The following RCN2 variants were observed in gnomAD, a reference collection of about 807,000 sequenced individuals.
RCN2 encodes the protein reticulocalbin 2.
RCN2 carries 23 observed loss-of-function variants against 37.5 expected under a neutral mutation model. That is an observed-to-expected ratio of 0.61 (90% CI 0.44 to 0.87). The LOEUF (loss-of-function observed/expected upper bound fraction) is 0.87. RCN2 is among the 40% of genes least tolerant of loss of function. The pLI is 0.00. For synonymous variants in RCN2, 140 were observed against 144.6 expected (o/e 0.97, Z 0.23); for missense variants, 381 against 390.4 (o/e 0.98, Z 0.20).
At chr15:76,936,996 G>A (rs2075253095) in intron 3 of RCN2, among the ~76,000 whole-genome samples, 2 of 152,044 alleles carry the variant, frequency 1.3e-5, no homozygotes, top group Non-Finnish European at 2.9e-5. Context: ...CTCTGAATTT[G>A]GCTACTCTAG....
intron 3 of RCN2, chr15:76,938,838 G>A: frequency 2.3e-6 from 1 of 443,516 alleles, no homozygotes; most frequent in Non-Finnish European, 4.6e-6. Context: ...ACTTTCATGT[G>A]CCTCAGTTTC....
At chr15:76,946,093 T>G (rs2075295539) in intron 4 of RCN2, among the ~76,000 whole-genome samples, 1 of 152,202 alleles carries the variant, frequency 6.6e-6, no homozygotes, top group Non-Finnish European at 1.5e-5. Context: ...TGAAATAGAT[T>G]TGAGCAACAT....
chr15:76,936,638 C>T lies in RCN2; in HGVS notation c.447+916C>T, dbSNP rs891902748. On this transcript the variant is annotated intron_variant, in intron 3 of 6. Transcript: ENST00000394885. ...CAGGCCATGAACCAATACCCGTCCG[C>T]GACCTAGGGATTGAGGGTCCGTGAT... is the stretch of plus-strand genomic sequence containing the variant. Among the ~76,000 whole-genome samples, 26 of 152,064 alleles carry T rather than the reference C, an allele frequency of 1.7e-4. 1 individual carries two copies. Among genetic ancestry groups the T allele is most frequent in the African/African-American group, 6.3e-4 (26 of 41,390 alleles).
At chr15:76,948,587 C>G (rs574295114) in intron 6 of RCN2, 35 bp downstream of exon 6, 1 of 1,476,326 alleles carries the variant, frequency 6.8e-7, no homozygotes, top group East Asian at 2.4e-5. Context: ...CTCTCCACCC[C>G]CTCCCCCCGA....
In RCN2 at chr15:76,952,550, A is replaced by G. The variant is rs1197282346; in HGVS notation, c.*3328A>G. The G allele has an allele frequency of 3.3e-5, 5 of 152,218 alleles. No individual in the cohort carries two copies. Among genetic ancestry groups the G allele is most frequent in the Admixed American group, 3.3e-4 (5 of 15,284 alleles). The allele number at this position is 152,218 out of a possible 1,614,324, so 9.4% of individuals were successfully genotyped here. A position where few individuals can be genotyped will look rare whatever the true frequency, so the allele number is the denominator to read the frequency against. Reference sequence around the variant, plus strand: ...TTCCATCTCCATGAACTTCATTTGTAAAACGGAAATTTATACCCATTAAAC... The same window carrying G: ...TTCCATCTCCATGAACTTCATTTGTGAAACGGAAATTTATACCCATTAAAC... On this transcript the variant is annotated 3_prime_UTR_variant, in exon 7 of 7. Transcript: ENST00000394885.
In RCN2 at chr15:76,932,401, A is replaced by G; in HGVS notation, c.185A>G (p.Gln62Arg). The G allele has an allele frequency of 1.2e-6, 2 of 1,614,066 alleles. No individual in the cohort carries two copies. Among genetic ancestry groups the G allele is most frequent in the Non-Finnish European group, 1.7e-6 (2 of 1,179,918 alleles). Residue 62 changes from glutamine to arginine, a missense_variant, in exon 2 of 7, where the codon CAG becomes CGG. Coordinates refer to ENST00000394885, the MANE Select transcript of RCN2 (RefSeq NM_002902.3). Reference sequence around the variant, plus strand: ...TATGTTAAACTCGGCCACGAAGAGCAGCAAAAAAGACTGCAGGCGATCATA... The same window carrying G: ...TATGTTAAACTCGGCCACGAAGAGCGGCAAAAAAGACTGCAGGCGATCATA... ...DEYVKLGHEE[Q>R]QKRLQAIIKK...
chr15:76,943,952 A>T, intron 4 of RCN2, 81 bp downstream of exon 4: 3 of 556,822 alleles, frequency 5.4e-6, no homozygotes, highest in Non-Finnish European at 9.8e-6. Context: ...GTGGGTACAT[A>T]GTAGGTATAT....
chr15:76,950,289 G>C lies in RCN2; in HGVS notation c.*1067G>C, dbSNP rs1198714325. ...TAATCAATTTTAACCTAATTCAGCA[G>C]GTCAACTTATTTAACTTTGGTGGAG... On this transcript the variant is annotated 3_prime_UTR_variant, in exon 7 of 7. Transcript: ENST00000394885. 1 of 137,910 alleles carries C rather than the reference G, an allele frequency of 7.3e-6. No homozygotes were observed. Among genetic ancestry groups the C allele is most frequent in the Non-Finnish European group, 1.6e-5 (1 of 61,692 alleles). 8.5% of individuals were successfully genotyped at this position (137,910 alleles called of 1,614,324 possible). A position where few individuals can be genotyped will look rare whatever the true frequency, so the allele number is the denominator to read the frequency against.
At chr15:76,947,282 T>G (rs1313237835) in intron 4 of RCN2, 139 bp from the exon 5 acceptor site, 1 of 585,832 alleles carries the variant, frequency 1.7e-6, no homozygotes, top group African/African-American at 1.9e-5. Flanking sequence ...TATAAGTACC[T>G]TACTAGCTGA....
intron 3 of RCN2, among the ~76,000 whole-genome samples, chr15:76,941,017 C>T (rs2075274716): frequency 6.6e-6 from 1 of 151,830 alleles, no homozygotes; most frequent in South Asian, 2.1e-4. Flanking sequence ...GGCAAAAGTT[C>T]AAGTGTTCTT....
intron 4 of RCN2, among the ~76,000 whole-genome samples, chr15:76,946,280 C>T (rs2075296318): frequency 6.6e-6 from 1 of 151,736 alleles, no homozygotes; most frequent in Non-Finnish European, 1.5e-5. Context: ...ACATAGCAGA[C>T]CTTGTCTCTA....
rs144555629 is a variant in RCN2 at position 76,937,877 on chromosome 15, C to A, written c.447+2155C>A. ...GAAGTCTATTAAACTAAAAGTATAT[C>A]AACAGAAATGACTGTGAGCTTGAGA... On this transcript the variant is annotated intron_variant, in intron 3 of 6. Coordinates refer to ENST00000394885, the MANE Select transcript of RCN2 (RefSeq NM_002902.3). 5.8e-4 allele frequency among the ~76,000 whole-genome samples: 89 copies of A among 152,198 alleles called. 1 individual carries two copies. The East Asian group carries it at 0.014, about 23-fold the overall frequency.
chr15:76,945,580 C>G (rs1004663667), intron 4 of RCN2, among the ~76,000 whole-genome samples: 10 of 152,294 alleles, frequency 6.6e-5, no homozygotes, highest in African/African-American at 2.4e-4. Context: ...AACCATCACA[C>G]TGGGAAATAA....
intron 2 of RCN2, among the ~76,000 whole-genome samples, chr15:76,934,869 T>G (rs1000871514): frequency 6.6e-6 from 1 of 152,226 alleles, no homozygotes; most frequent in African/African-American, 2.4e-5. Flanking sequence ...AGATTTTGGA[T>G]AACATTTTTT....
chr15:76,931,863 G>C lies in RCN2; in HGVS notation c.22G>C (p.Ala8Pro). 1 of 1,281,918 alleles carries C rather than the reference G, an allele frequency of 7.8e-7. No homozygotes were observed. Among genetic ancestry groups the C allele is most frequent in the Non-Finnish European group, 9.8e-7 (1 of 1,016,708 alleles). The allele number at this position is 1,281,918 out of a possible 1,614,324, so 79.4% of individuals were successfully genotyped here. The change falls in exon 1 of 7, where the codon GCG (alanine) becomes CCG (proline). Residue 8 changes from alanine to proline, a missense_variant. By Grantham distance (27) the Ala-to-Pro change is conservative. Transcript: ENST00000394885. MRLGPRT[A>P]ALGLLLLCAA... ...CGCGATGCGGCTGGGCCCGAGGACC[G>C]CGGCGTTGGGGCTGCTGCTGCTGTG...
At chr15:76,935,338 T>A (rs981623716) in intron 2 of RCN2, among the ~76,000 whole-genome samples, 188 bp from the exon 3 acceptor site, 5 of 152,036 alleles carry the variant, frequency 3.3e-5, no homozygotes, top group Admixed American at 3.3e-4. Flanking sequence ...AAAAAATAAT[T>A]AAAAGCTTCA....
At chr15:76,932,254 C>T in intron 1 of RCN2, 107 bp from the exon 2 acceptor site, 1 of 906,206 alleles carries the variant, frequency 1.1e-6, no homozygotes, top group Admixed American at 2.0e-5. Flanking sequence ...TGCGGGTCAC[C>T]CCGAAACCCT....
At chr15:76,940,981 G>T (rs1361562323) in intron 3 of RCN2, among the ~76,000 whole-genome samples, 1 of 152,058 alleles carries the variant, frequency 6.6e-6, no homozygotes, top group Non-Finnish European at 1.5e-5. Context: ...GTCAACACAG[G>T]ATAATTAAAG....
At position 76,943,700 on chromosome 15, in the gene RCN2, A is replaced by C. The variant is rs75550048; in HGVS notation, c.448-58A>C. 1.3e-3 allele frequency: 1,198 copies of C among 903,064 alleles called. 9 individuals are homozygous for C. The African/African-American group carries it at 0.018, about 14-fold the overall frequency. The allele number at this position is 903,064 out of a possible 1,614,324, so 55.9% of individuals were successfully genotyped here. A position where few individuals can be genotyped will look rare whatever the true frequency, so the allele number is the denominator to read the frequency against. Reference sequence around the variant, plus strand: ...GTACTTTAAATTTCACATAGTTTGTATTTTTCAAAGTATTTAAAATGATGT... The same window carrying C: ...GTACTTTAAATTTCACATAGTTTGTCTTTTTCAAAGTATTTAAAATGATGT... On this transcript the variant is annotated intron_variant, in intron 3 of 6. Transcript: ENST00000394885.
Sources: allele counts gnomAD v4.1 joint callset (sites outside exome capture counted in the v4.1 genomes callset), GRCh38; gene constraint gnomAD v4.1.1; transcripts MANE v1.5; gene names NCBI Gene and HGNC (gene_info 2026-07-23, HGNC 2026-07-21).